The following PLD2 variants were observed in gnomAD, a reference collection of about 807,000 sequenced individuals.
The protein encoded by PLD2 is choline phosphatase 2.
In PLD2, 101 loss-of-function variants were observed where a neutral mutation model predicts 119.8. The observed-to-expected ratio is 0.84, with a 90% confidence interval of 0.72 to 0.99. The LOEUF (loss-of-function observed/expected upper bound fraction) is 0.99. Ranked by LOEUF, PLD2 falls within the 50% of genes least tolerant of loss-of-function variation. The probability of loss-of-function intolerance (pLI) is 0.00; values close to 1 mark genes in which losing one functional copy is unlikely to be tolerated. For synonymous variants in PLD2, 494 were observed against 482.8 expected (o/e 1.02, Z -0.30); for missense variants, 1,164 against 1,226.8 (o/e 0.95, Z 0.76).
intron 23 of PLD2, 191 bp from the exon 24 acceptor site, chr17:4,821,602 C>G (rs1468467444): frequency 2.1e-6 from 1 of 465,152 alleles, no homozygotes; most frequent in Non-Finnish European, 3.9e-6. Context: ...GCCATATTGC[C>G]CAGGCTGGTC....
Position 4,821,674 on chromosome 17 carries a change from C to T in PLD2, c.2463-119C>T, listed in dbSNP as rs543096719. 8.6e-4 allele frequency: 592 copies of T among 687,896 alleles called. 4 individuals carry two copies. The East Asian group carries it at 0.012, about 14-fold the overall frequency. 42.6% of individuals were successfully genotyped at this position (687,896 alleles called of 1,614,324 possible). A position where few individuals can be genotyped will look rare whatever the true frequency, so the allele number is the denominator to read the frequency against. On this transcript the variant is annotated intron_variant, in intron 23 of 24. Transcript: ENST00000263088. ...CCTCCCAAAGTGCTGGGAATACAGG[C>T]GTGAGCCACCGCACCCAGCCAATTT...
Position 4,819,574 on chromosome 17 carries a change from C to T in PLD2, c.2454C>T (p.His818=), listed in dbSNP as rs759236519. ...AGRFALSLRK[H]CFGVILGANT... is the part of the protein sequence containing the mutation. Reference sequence around the variant, plus strand: ...GGTTTGCCTTGAGTCTGCGGAAGCACTGCTTCGGGTAGAGCTGGGGCGGGA... The same window carrying T: ...GGTTTGCCTTGAGTCTGCGGAAGCATTGCTTCGGGTAGAGCTGGGGCGGGA... The change falls in exon 23 of 25, where the codon CAC becomes CAT. Residue 818 remains histidine, a synonymous_variant. Transcript: ENST00000263088. This position sits in a 1 kb window ranked among gnomAD's most constrained non-coding sequence, Gnocchi z 4.2. 6.2e-6 allele frequency: 10 copies of T among 1,610,276 alleles called. No homozygotes were observed. The highest frequency in any genetic ancestry group is 8.5e-6 in the Non-Finnish European group (10 of 1,177,828).
rs188978323 is a variant in PLD2 at position 4,821,816 on chromosome 17, G to A, written c.2486G>A (p.Arg829Gln). The change falls in exon 24 of 25, where the codon CGG becomes CAG. Residue 829 changes from arginine to glutamine, a missense_variant. Physicochemically the swap from Arg to Gln is conservative, Grantham distance 43. Transcript: ENST00000263088. ...CFGVILGANT[R>Q]PDLDLRDPIC... ...AGTGTGATTCTTGGAGCAAATACCC[G>A]GCCAGACTTGGATCTCCGAGACCCC... is the stretch of plus-strand genomic sequence containing the variant. The A allele has an allele frequency of 5.6e-5, 91 of 1,613,882 alleles. No individual in the cohort carries two copies. Among genetic ancestry groups the A allele is most frequent in the African/African-American group, 4.7e-4 (35 of 75,032 alleles).
rs1907310186 is a variant in PLD2 at position 4,818,756 on chromosome 17, C to T, written c.2124-18C>T. The stretch of plus-strand genomic sequence containing the variant: ...CCTCTGCCAGCCTCCACTTCTCTCC[C>T]TCTTTCTTTTCTCTCAGGACCCTGT... On this transcript the variant is annotated intron_variant, in intron 20 of 24. Coordinates refer to ENST00000263088, the MANE Select transcript of PLD2 (RefSeq NM_002663.5). 1 of 1,614,104 alleles carries T rather than the reference C, an allele frequency of 6.2e-7. No homozygotes were observed. Among genetic ancestry groups the T allele is most frequent in the Non-Finnish European group, 8.5e-7 (1 of 1,179,974 alleles).
rs371013599 is a variant in PLD2, at chr17:4,817,137, C to A, written c.1702-9C>A. The A allele has an allele frequency of 6.2e-7, 1 of 1,606,736 alleles. No homozygotes were observed. The highest frequency in any genetic ancestry group is 8.5e-7 in the Non-Finnish European group (1 of 1,173,134). ...ACCTCCTGCTGACTCTGCCATCCCT[C>A]CACGTCAGACCACCAAGGCCAAGTA... On this transcript the variant is annotated splice_polypyrimidine_tract_variant and intron_variant, in intron 16 of 24. Coordinates refer to ENST00000263088, the MANE Select transcript of PLD2 (RefSeq NM_002663.5).
chr17:4,809,306 G>A lies in PLD2; in HGVS notation c.498G>A (p.Leu166=), dbSNP rs1039524308. Residue 166 remains leucine, a synonymous_variant, in exon 6 of 25, where the codon CTG becomes CTA. Transcript: ENST00000263088. ...TCTCATCTCCACTTCAGAAATACCT[G>A]GAGAATTACCTCAACCGTCTCTTGA... ...TRHAASKQKY[L]ENYLNRLLTM... 3.7e-6 allele frequency: 6 copies of A among 1,614,010 alleles called. No individual in the cohort carries two copies. The highest frequency in any genetic ancestry group is 5.1e-6 in the Non-Finnish European group (6 of 1,179,910).
chr17:4,817,354 C>T, intron 17 of PLD2, 95 bp downstream of exon 17: 1 of 857,932 alleles, frequency 1.2e-6, no homozygotes. Flanking sequence ...CCACACTCTC[C>T]TTTCCTGGGG....
chr17:4,807,634 T>C lies in PLD2; in HGVS notation c.-1-138T>C. ...GGGTCGGTGGGGCGTTGCAAACTGG[T>C]CAGGCGTCATCCGCGGGCGGTCAGG... On this transcript the variant is annotated intron_variant, in intron 1 of 24. Coordinates refer to ENST00000263088, the MANE Select transcript of PLD2 (RefSeq NM_002663.5). This position sits in a 1 kb window ranked among gnomAD's most constrained non-coding sequence, Gnocchi z 5.4. The C allele has an allele frequency of 1.7e-6, 1 of 588,376 alleles. No homozygotes were observed. The highest frequency in any genetic ancestry group is 3.1e-6 in the Non-Finnish European group (1 of 326,024). The allele number at this position is 588,376 out of a possible 1,614,324, so 36.4% of individuals were successfully genotyped here. A position where few individuals can be genotyped will look rare whatever the true frequency, so the allele number is the denominator to read the frequency against.
In PLD2 at chr17:4,808,111, C is replaced by G; in HGVS notation, c.237C>G (p.Ser79=). Residue 79 remains serine, a synonymous_variant, in exon 3 of 25, where the codon TCC becomes TCG. Coordinates refer to ENST00000263088, the MANE Select transcript of PLD2 (RefSeq NM_002663.5). This position sits in a 1 kb window ranked among gnomAD's most constrained non-coding sequence, Gnocchi z 4.1. ...GCACCGAAAGATATACCAGCGGATC[C>G]AAGGTGGCCAGACTGGCCCCAGGGA... ...VVGTERYTSG[S]KVGTCTLYSV... 2 of 1,607,322 alleles carry G rather than the reference C, an allele frequency of 1.2e-6. No homozygotes were observed. Among genetic ancestry groups the G allele is most frequent in the Non-Finnish European group, 1.7e-6 (2 of 1,174,594 alleles).
Position 4,808,322 on chromosome 17 carries a change from T to G in PLD2, c.289T>G (p.Ser97Ala). The change falls in exon 4 of 25, where the codon TCC becomes GCC. Residue 97 changes from serine (S) to alanine (A), a missense_variant. By Grantham distance (99) the Ser-to-Ala change is moderately conservative (BLOSUM62 1). Coordinates refer to ENST00000263088, the MANE Select transcript of PLD2 (RefSeq NM_002663.5). The surrounding 1 kb of genome is among the most constrained non-coding windows in gnomAD (Gnocchi z 4.1). The part of the protein sequence containing the change: ...YSVRLTHGDF[S>A]WTTKKKYRHF... The stretch of plus-strand genomic sequence containing the variant: ...TGTCCGCTTGACTCACGGCGACTTT[T>G]CCTGGACAACCAAGAAGAAATACCG... 1 of 1,614,088 alleles carries G rather than the reference T, an allele frequency of 6.2e-7. No individual in the cohort carries two copies. The highest frequency in any genetic ancestry group is 8.5e-7 in the Non-Finnish European group (1 of 1,179,984).
chr17:4,819,598 G>GAT lies in PLD2; in HGVS notation c.2462+17_2462+18dup. The GAT allele has an allele frequency of 6.3e-7, 1 of 1,596,360 alleles. No homozygotes were observed. Among genetic ancestry groups the GAT allele is most frequent in the Non-Finnish European group, 8.5e-7 (1 of 1,169,796 alleles). ...ACTGCTTCGGGTAGAGCTGGGGCGG[G>GAT]ATGCCACAGGGTGGGAGGGAGATGG... On this transcript the variant is annotated intron_variant, in intron 23 of 24. Coordinates refer to ENST00000263088, the MANE Select transcript of PLD2 (RefSeq NM_002663.5). The surrounding 1 kb of genome is among the most constrained non-coding windows in gnomAD (Gnocchi z 4.2).
In PLD2 at chr17:4,814,736, G is replaced by C. The variant is rs182048608; in HGVS notation, c.1173+25G>C. 461 of 1,606,960 alleles carry C rather than the reference G, an allele frequency of 2.9e-4. 2 individuals are homozygous for C. The East Asian group carries it at 5.4e-3, about 19-fold the overall frequency. ...GGTGAGGAGAGTGGTCAGGCCGCAG[G>C]GGGAGGGGGTTGCCTGTGGGTGGAG... is the stretch of plus-strand genomic sequence containing the variant. On this transcript the variant is annotated intron_variant, in intron 12 of 24. Coordinates refer to ENST00000263088, the MANE Select transcript of PLD2 (RefSeq NM_002663.5).
chr17:4,818,072 C>T lies in PLD2; in HGVS notation c.1886C>T (p.Thr629Ile), dbSNP rs369422714. ...ENSILNAYLH[T>I]IRESQHFLYI... ...TCCATCCTCAATGCCTACCTGCACA[C>T]CATCAGGGAGAGCCAGCACTTCCTC... The change falls in exon 18 of 25, where the codon ACC becomes ATC. Residue 629 changes from threonine to isoleucine, a missense_variant. Physicochemically the swap from Thr to Ile is moderately conservative, Grantham distance 89 (BLOSUM62 -1). Transcript: ENST00000263088. The T allele has an allele frequency of 3.0e-5, 48 of 1,613,974 alleles. No homozygotes were observed. The African/African-American group carries it at 4.4e-4, about 15-fold the overall frequency.
Position 4,818,504 on chromosome 17 carries a change from T to C in PLD2, c.2020T>C (p.Cys674Arg). Residue 674 changes from cysteine (C) to arginine (R), a missense_variant, in exon 20 of 25, where the codon TGT (cysteine) becomes CGT (arginine). By Grantham distance (180) the Cys-to-Arg change is radical. Coordinates refer to ENST00000263088, the MANE Select transcript of PLD2 (RefSeq NM_002663.5). ...CCACCCCCTCCCCAGACAGGGGTGGTGTTACCGAGTCTACGTGCTTTTGCC... is the reference window on the plus strand; with the variant it reads ...CCACCCCCTCCCCAGACAGGGGTGGCGTTACCGAGTCTACGTGCTTTTGCC... ...RILKAHKQGW[C>R]YRVYVLLPLL... 6.2e-7 allele frequency: 1 copy of C among 1,612,726 alleles called. No individual in the cohort carries two copies. Among genetic ancestry groups the C allele is most frequent in the Non-Finnish European group, 8.5e-7 (1 of 1,178,868 alleles).
At chr17:4,822,619 C>T (rs369444292) in intron 24 of PLD2, 21 bp from the exon 25 acceptor site, 23 of 1,556,094 alleles carry the variant, frequency 1.5e-5, no homozygotes, top group Admixed American at 1.2e-4. Flanking sequence ...GCCTTACTGG[C>T]GTCCATGCCC....
intron 20 of PLD2, 37 bp from the exon 21 acceptor site, chr17:4,818,737 C>T (rs1313794551): frequency 6.2e-7 from 1 of 1,613,264 alleles, no homozygotes; most frequent in Non-Finnish European, 8.5e-7. Context: ...CTCCCCTCTG[C>T]CAGCCTCCAC....
chr17:4,822,502 A>G (rs1013094816), intron 24 of PLD2, 138 bp from the exon 25 acceptor site: 16 of 582,838 alleles, frequency 2.7e-5, no homozygotes, highest in Middle Eastern at 4.6e-4. Flanking sequence ...CAAAAAAAAA[A>G]AGAGAGAGAG....
rs1225490103 is a variant in PLD2, at chr17:4,819,166, C to G, written c.2256C>G (p.Leu752=). The change falls in exon 22 of 25, where the codon CTC becomes CTG. Residue 752 remains leucine (L), a synonymous_variant. Transcript: ENST00000263088. This position sits in a 1 kb window ranked among gnomAD's most constrained non-coding sequence, Gnocchi z 4.2. ...GELGGHPVSE[L]IYIHSKVLIA... ...TGGGCGGGCACCCCGTCTCGGAGCT[C>G]ATCTACATCCACAGCAAGGTGCTCA... is the stretch of plus-strand genomic sequence containing the variant. The G allele has an allele frequency of 6.2e-7, 1 of 1,614,150 alleles. No individual in the cohort carries two copies. Among genetic ancestry groups the G allele is most frequent in the Admixed American group, 1.7e-5 (1 of 60,020 alleles).
At chr17:4,815,048 G>A (rs1047242348) in intron 12 of PLD2, among the ~76,000 whole-genome samples, 7 of 152,132 alleles carry the variant, frequency 4.6e-5, no homozygotes, top group African/African-American at 1.7e-4. Context: ...GCCATGGAGG[G>A]GGCATGTGTG....
Sources: allele counts gnomAD v4.1 joint callset (sites outside exome capture counted in the v4.1 genomes callset), GRCh38; gene constraint gnomAD v4.1.1; non-coding constraint Gnocchi (gnomAD v3.1); transcripts MANE v1.5; gene names NCBI Gene and HGNC (gene_info 2026-07-23, HGNC 2026-07-21).